FHIT: variants seen among roughly 807,000 people sequenced by gnomAD.
The protein encoded by FHIT is fragile histidine triad diadenosine triphosphatase, also known as bis(5'-adenosyl)-triphosphatase.
In FHIT, 19 loss-of-function variants were observed where a neutral mutation model predicts 17.9. The observed-to-expected ratio is 1.06, with a 90% CI of 0.74 to 1.56. FHIT has a LOEUF of 1.56. FHIT is among the 40% of genes most tolerant of loss of function. The probability of loss-of-function intolerance (pLI) is 0.00; values close to 1 mark genes in which losing one functional copy is unlikely to be tolerated. For missense variants in FHIT, 248 were observed against 189.2 expected, an observed-to-expected ratio of 1.31 and a Z score of -1.82; for synonymous variants, 81 against 69.7, an observed-to-expected ratio of 1.16 and a Z score of -0.81.
chr3:60,019,357 G>A (rs556931893), intron 5 of FHIT, among the ~76,000 whole-genome samples: 4 of 151,560 alleles, frequency 2.6e-5, no homozygotes, highest in African/African-American at 9.7e-5. Flanking sequence ...AGGGGCCCAA[G>A]GTATCTTGGC....
At chr3:59,844,206 T>C (rs1701633648) in intron 8 of FHIT, among the ~76,000 whole-genome samples, 1 of 152,176 alleles carries the variant, frequency 6.6e-6, no homozygotes, top group African/African-American at 2.4e-5. Context: ...AGGTATTCTT[T>C]TATAGCAATG....
chr3:60,455,809 G>A (rs1246889913), intron 5 of FHIT, among the ~76,000 whole-genome samples: 2 of 152,084 alleles, frequency 1.3e-5, no homozygotes, highest in African/African-American at 4.8e-5. Flanking sequence ...ATAAACATTG[G>A]TCAGTGGGGA....
At chr3:60,190,545 T>G (rs1011014705) in intron 5 of FHIT, among the ~76,000 whole-genome samples, 4 of 151,958 alleles carry the variant, frequency 2.6e-5, no homozygotes, top group African/African-American at 9.7e-5. Flanking sequence ...GGTCAGGAGT[T>G]TGAGACCAGC....
chr3:61,058,471 G>A (rs1425482717), intron 2 of FHIT, among the ~76,000 whole-genome samples: 1 of 152,200 alleles, frequency 6.6e-6, no homozygotes, highest in African/African-American at 2.4e-5. Flanking sequence ...GTAATCTTCA[G>A]TGTTGGAGGA....
chr3:59,782,060 C>T (rs11130733), intron 8 of FHIT, among the ~76,000 whole-genome samples: 18,851 of 152,234 alleles, frequency 0.12, 1,332 homozygotes, highest in Admixed American at 0.19. Flanking sequence ...CAGAGACTTC[C>T]AATTTATAGT....
intron 5 of FHIT, among the ~76,000 whole-genome samples, chr3:60,038,621 C>T (rs1043670431): frequency 1.3e-5 from 2 of 152,022 alleles, no homozygotes; most frequent in African/African-American, 2.4e-5. Context: ...GAATGCTGCT[C>T]GAACTATTCC....
intron 2 of FHIT, among the ~76,000 whole-genome samples, chr3:61,129,640 T>A (rs1263545576): frequency 6.6e-6 from 1 of 152,192 alleles, no homozygotes; most frequent in Non-Finnish European, 1.5e-5. Context: ...AGCAAGATCT[T>A]CGAAGCTTAG....
intron 5 of FHIT, among the ~76,000 whole-genome samples, chr3:60,112,402 C>G (rs534672732): frequency 2.0e-5 from 3 of 152,144 alleles, no homozygotes; most frequent in Non-Finnish European, 4.4e-5. Context: ...GCTGTGGTCC[C>G]GAGTTTCAGA....
chr3:60,559,532 T>C (rs1295219121), intron 4 of FHIT, among the ~76,000 whole-genome samples: 3 of 152,200 alleles, frequency 2.0e-5, no homozygotes, highest in African/African-American at 7.2e-5. Context: ...TCTTTATTGA[T>C]GTTTCCACTC....
chr3:60,701,653 ACTGAT>A (rs1553702174), intron 4 of FHIT, among the ~76,000 whole-genome samples: 1 of 152,024 alleles, frequency 6.6e-6, no homozygotes, highest in Non-Finnish European at 1.5e-5. Flanking sequence ...TAGCTCAAGT[ACTGAT>A]CTTAGGTTTT....
chr3:60,764,939 C>T (rs1699797371), intron 4 of FHIT, among the ~76,000 whole-genome samples: 2 of 152,058 alleles, frequency 1.3e-5, no homozygotes, highest in Admixed American at 6.5e-5. Flanking sequence ...CAGATAGAAA[C>T]ATTTGCCTTT....
intron 7 of FHIT, among the ~76,000 whole-genome samples, chr3:59,977,466 T>A (rs924339458): frequency 1.3e-5 from 2 of 152,140 alleles, no homozygotes; most frequent in Non-Finnish European, 2.9e-5. Context: ...AGTAGAAGAA[T>A]CCACCATTGG....
At chr3:61,081,519 A>T (rs1423238642) in intron 2 of FHIT, among the ~76,000 whole-genome samples, 1 of 152,176 alleles carries the variant, frequency 6.6e-6, no homozygotes, top group East Asian at 1.9e-4. Context: ...TAAATTTTCA[A>T]ATTCTGGTTT....
intron 5 of FHIT, among the ~76,000 whole-genome samples, chr3:60,024,022 C>T (rs1288835703): frequency 1.3e-5 from 2 of 150,646 alleles, no homozygotes; most frequent in South Asian, 2.1e-4. Flanking sequence ...ATTCCTAATA[C>T]AAATGTAACA....
intron 4 of FHIT, among the ~76,000 whole-genome samples, chr3:60,649,578 T>C (rs1249700767): frequency 6.6e-6 from 1 of 152,156 alleles, no homozygotes; most frequent in African/African-American, 2.4e-5. Context: ...TCTATGGACA[T>C]GATACGTGGT....
chr3:60,370,177 G>C (rs545123147), intron 5 of FHIT, among the ~76,000 whole-genome samples: 66 of 149,640 alleles, frequency 4.4e-4, no homozygotes, highest in Non-Finnish European at 6.9e-4. Context: ...TAAGTTTATA[G>C]ATATACACTT....
chr3:60,130,820 T>A (rs1699528502), intron 5 of FHIT, among the ~76,000 whole-genome samples: 1 of 150,758 alleles, frequency 6.6e-6, no homozygotes, highest in Non-Finnish European at 1.5e-5. Flanking sequence ...TGTGTATGTG[T>A]GTATAGGTGT....
At chr3:59,894,230 G>A (rs1455933952) in intron 8 of FHIT, among the ~76,000 whole-genome samples, 1 of 152,150 alleles carries the variant, frequency 6.6e-6, no homozygotes, top group Non-Finnish European at 1.5e-5. Flanking sequence ...GGGCAACAAA[G>A]TGAGACCCTT....
At chr3:60,955,613 T>TATATACATATATATATAC (rs1559862322) in intron 3 of FHIT, among the ~76,000 whole-genome samples, 12 of 13,324 alleles carry the variant, frequency 9.0e-4, no homozygotes, top group African/African-American at 1.5e-3. Context: ...TATATATATA[T>TATATACATATATATATAC]ATATATATAT....
Sources: gnomAD v4.1 joint callset for allele counts (sites outside exome capture counted in the v4.1 genomes callset) on GRCh38, gnomAD v4.1.1 for gene constraint, MANE v1.5 for transcripts, NCBI Gene and HGNC (gene_info 2026-07-23, HGNC 2026-07-21) for gene names.